The following FRY variants were observed in gnomAD, a reference collection of about 807,000 sequenced individuals.
The protein encoded by FRY is FRY microtubule binding protein.
Under a neutral mutation model 348.4 loss-of-function variants are expected in FRY, and 128 were observed. That is an observed-to-expected ratio of 0.37 (90% confidence interval 0.32 to 0.43). The LOEUF is 0.43. Ranked by LOEUF, FRY falls within the 20% of genes least tolerant of loss-of-function variation. The pLI, the probability that FRY is intolerant of heterozygous loss-of-function variation, is 1.00. For missense variants in FRY, 2,736 were observed against 3,695.2 expected (o/e 0.74, Z 6.73); for synonymous variants, 1,370 against 1,374.7 (o/e 1.00, Z 0.08).
At chr13:32,140,010 A>G (rs1315248649) in intron 11 of FRY, among the ~76,000 whole-genome samples, 3 of 152,012 alleles carry the variant, frequency 2.0e-5, no homozygotes, top group Non-Finnish European at 4.4e-5. Context: ...TCAAAATAAA[A>G]TGAATTGGGA....
At position 32,134,963 on chromosome 13, in the gene FRY, G is replaced by T. The variant is rs765808135; in HGVS notation, c.945G>T (p.Gly315=). The T allele has an allele frequency of 6.2e-7, 1 of 1,612,800 alleles. No individual in the cohort carries two copies. The highest frequency in any genetic ancestry group is 1.3e-5 in the African/African-American group (1 of 74,872). ...KDKDIKHALA[G]LFVEILVPVA... is the part of the protein sequence containing the mutation. ...AAGATATCAAGCATGCCTTGGCTGGGCTTTTTGTTGAAATACTTGTTCCAG... is the reference window on the plus strand; with the variant it reads ...AAGATATCAAGCATGCCTTGGCTGGTCTTTTTGTTGAAATACTTGTTCCAG... Residue 315 remains glycine, a synonymous_variant, in exon 9 of 61, where the codon GGG becomes GGT. Coordinates refer to ENST00000542859, the MANE Select transcript of FRY (RefSeq NM_023037.3).
chr13:32,202,629 A>C, intron 31 of FRY, 102 bp downstream of exon 31: 1 of 1,088,858 alleles, frequency 9.2e-7, no homozygotes, highest in East Asian at 2.4e-5. Context: ...GCTCTAAGTA[A>C]TTTTTCTTTT....
chr13:32,127,634 C>G (rs528551003), intron 7 of FRY, among the ~76,000 whole-genome samples: 1 of 152,138 alleles, frequency 6.6e-6, no homozygotes, highest in African/African-American at 2.4e-5. Context: ...AAAATATTAG[C>G]TGGGAGTGGT....
chr13:32,244,452 C>A (rs1453353487), intron 47 of FRY, among the ~76,000 whole-genome samples: 1 of 152,162 alleles, frequency 6.6e-6, no homozygotes, highest in Non-Finnish European at 1.5e-5. Context: ...TGAAAGCACA[C>A]GCCTGACTTG....
chr13:32,081,167 A>T (rs1875463619), intron 2 of FRY, among the ~76,000 whole-genome samples: 1 of 152,152 alleles, frequency 6.6e-6, no homozygotes, highest in South Asian at 2.1e-4. Context: ...GAAACAACTA[A>T]AATGTCCCCA....
chr13:32,076,855 C>T (rs1403471552), intron 1 of FRY, among the ~76,000 whole-genome samples: 5 of 152,116 alleles, frequency 3.3e-5, no homozygotes, highest in Non-Finnish European at 5.9e-5. Flanking sequence ...TAGACAAAAA[C>T]CTTGTCTCCA....
In FRY at chr13:32,154,922, A is replaced by G. The variant is rs143899447; in HGVS notation, c.1480-569A>G. Among the ~76,000 whole-genome samples, 742 of 152,196 alleles carry G rather than the reference A, an allele frequency of 4.9e-3. 3 individuals are homozygous for G. Among genetic ancestry groups the G allele is most frequent in the Non-Finnish European group, 8.2e-3 (558 of 68,030 alleles). The stretch of plus-strand genomic sequence containing the variant: ...GAAGATCAATCTGGCCCACAATCAC[A>G]TTTCTTCTTACACACCCATGTGTTT... On this transcript the variant is annotated intron_variant, in intron 14 of 60. Transcript: ENST00000542859.
intron 11 of FRY, among the ~76,000 whole-genome samples, chr13:32,145,065 A>C (rs535640722): frequency 2.6e-5 from 4 of 152,218 alleles, no homozygotes; most frequent in Non-Finnish European, 4.4e-5. Flanking sequence ...GTGGAAGGAC[A>C]CTTCTATCAT....
chr13:32,238,252 C>T (rs2138458250), intron 44 of FRY, among the ~76,000 whole-genome samples: 1 of 152,168 alleles, frequency 6.6e-6, no homozygotes, highest in East Asian at 1.9e-4. Context: ...CCAGATCAAA[C>T]TGCAGGTGCT....
At chr13:32,073,233 A>G (rs1350028540) in intron 1 of FRY, among the ~76,000 whole-genome samples, 1 of 152,206 alleles carries the variant, frequency 6.6e-6, no homozygotes, top group Non-Finnish European at 1.5e-5. Context: ...TGGGCATTTT[A>G]GTTCATGCCC....
At chr13:32,276,904 C>T (rs1047678700) in intron 57 of FRY, among the ~76,000 whole-genome samples, 1 of 152,196 alleles carries the variant, frequency 6.6e-6, no homozygotes, top group African/African-American at 2.4e-5. Context: ...TAGCCTCACC[C>T]AAAACTAGTT....
intron 1 of FRY, among the ~76,000 whole-genome samples, chr13:32,055,000 A>G (rs981898275): frequency 1.3e-5 from 2 of 152,166 alleles, no homozygotes; most frequent in South Asian, 2.1e-4. Context: ...TTATAGATAC[A>G]AGGTTACCAG....
At chr13:32,157,759 G>A (rs537967) in intron 16 of FRY, among the ~76,000 whole-genome samples, 105,026 of 152,026 alleles carry the variant, frequency 0.69, 36,706 homozygotes, top group East Asian at 0.98. Flanking sequence ...TATACATCTC[G>A]TGACAGTTCC....
At chr13:32,123,098 G>A (rs2138719262) in intron 4 of FRY, among the ~76,000 whole-genome samples, 1 of 152,254 alleles carries the variant, frequency 6.6e-6, no homozygotes, top group African/African-American at 2.4e-5. Flanking sequence ...TCAATATTGT[G>A]AAAATGACCA....
At chr13:32,265,098 G>T (rs548990836) in intron 53 of FRY, among the ~76,000 whole-genome samples, 3 of 152,184 alleles carry the variant, frequency 2.0e-5, no homozygotes, top group African/African-American at 7.2e-5. Context: ...CCTTTCCCAC[G>T]TGGAGCATTG....
intron 58 of FRY, among the ~76,000 whole-genome samples, chr13:32,284,862 A>G (rs1593850833): frequency 6.6e-6 from 1 of 152,214 alleles, no homozygotes; most frequent in South Asian, 2.1e-4. Flanking sequence ...CTGACTGGTT[A>G]TGTCATAAGC....
intron 16 of FRY, 104 bp downstream of exon 16, chr13:32,157,509 C>A (rs1046701728): frequency 2.8e-6 from 3 of 1,072,906 alleles, no homozygotes; most frequent in Non-Finnish European, 4.1e-6. Context: ...TCTTAGGGTT[C>A]TAAAAAGTAG....
chr13:32,079,675 T>TA (rs1279925270), intron 2 of FRY, among the ~76,000 whole-genome samples: 1 of 152,164 alleles, frequency 6.6e-6, no homozygotes, highest in Non-Finnish European at 1.5e-5. Context: ...GAGTCTGCCT[T>TA]ACATTGATTG....
intron 2 of FRY, among the ~76,000 whole-genome samples, chr13:32,083,507 C>A (rs1875635042): frequency 2.0e-5 from 3 of 151,838 alleles, no homozygotes; most frequent in Admixed American, 6.6e-5. Flanking sequence ...GTTGTGAATT[C>A]TTTCATTGAG....
Sources: allele counts gnomAD v4.1 joint callset (sites outside exome capture counted in the v4.1 genomes callset), GRCh38; gene constraint gnomAD v4.1.1; transcripts MANE v1.5; gene names NCBI Gene and HGNC (gene_info 2026-07-23, HGNC 2026-07-21).